The following MLIP variants were observed in gnomAD, a reference collection of about 807,000 sequenced individuals.
MLIP encodes muscular LMNA interacting protein.
A neutral mutation model predicts 84.8 loss-of-function variants in MLIP; 79 were observed. That is an observed-to-expected ratio of 0.93 (90% confidence interval 0.78 to 1.12). MLIP has a LOEUF of 1.12. Ranked by LOEUF, MLIP falls within the 50% of genes most tolerant of loss-of-function variation. MLIP has a pLI of 0.00. For synonymous variants in MLIP, 504 were observed against 463.0 expected, an observed-to-expected ratio of 1.09 and a Z score of -1.14; for missense variants, 1,257 against 1,160.6, an observed-to-expected ratio of 1.08 and a Z score of -1.21.
intron 1 of MLIP, among the ~76,000 whole-genome samples, chr6:54,093,107 C>T (rs940134898): frequency 3.3e-5 from 5 of 151,942 alleles, no homozygotes; most frequent in African/African-American, 1.2e-4. Flanking sequence ...GAACTCTGAA[C>T]CTTAGGTGAT....
chr6:54,051,116 C>G (rs1765351840), intron 1 of MLIP, among the ~76,000 whole-genome samples: 1 of 151,934 alleles, frequency 6.6e-6, no homozygotes, highest in Non-Finnish European at 1.5e-5. Flanking sequence ...TCCACTTTCC[C>G]TTCTCCCCAC....
intron 11 of MLIP, among the ~76,000 whole-genome samples, chr6:54,218,885 A>C (rs1323986702): frequency 6.6e-6 from 1 of 151,886 alleles, no homozygotes; most frequent in Non-Finnish European, 1.5e-5. Flanking sequence ...AAGTTTTTAA[A>C]CTTTTTGACT....
chr6:54,084,310 A>G (rs1358201194), intron 1 of MLIP, among the ~76,000 whole-genome samples: 1 of 152,082 alleles, frequency 6.6e-6, no homozygotes, highest in Non-Finnish European at 1.5e-5. Flanking sequence ...TGAATTATCC[A>G]CAGTAGTAAT....
At chr6:54,180,922 A>G (rs572125953) in intron 9 of MLIP, among the ~76,000 whole-genome samples, 2 of 152,092 alleles carry the variant, frequency 1.3e-5, no homozygotes, top group Non-Finnish European at 2.9e-5. Context: ...GTGTCTCAAC[A>G]TTGAAGAGTT....
intron 1 of MLIP, among the ~76,000 whole-genome samples, chr6:54,112,790 C>G (rs944793939): frequency 2.6e-5 from 4 of 152,054 alleles, no homozygotes; most frequent in African/African-American, 9.7e-5. Flanking sequence ...CCTTTATTGT[C>G]AGGATGTGGT....
intron 1 of MLIP, among the ~76,000 whole-genome samples, chr6:54,078,906 G>C (rs1244475323): frequency 1.3e-5 from 2 of 151,976 alleles, no homozygotes; most frequent in Non-Finnish European, 2.9e-5. Context: ...GGCCAGGCTG[G>C]TCTCAAACTC....
intron 2 of MLIP, among the ~76,000 whole-genome samples, chr6:54,124,243 T>C (rs1440866684): frequency 2.6e-5 from 4 of 152,254 alleles, no homozygotes; most frequent in East Asian, 3.9e-4. Flanking sequence ...GGTTTGCCTG[T>C]TGATGTTGAT....
chr6:54,107,647 T>C (rs1449364540), upstream of MLIP, among the ~76,000 whole-genome samples: 4 of 152,192 alleles, frequency 2.6e-5, no homozygotes, highest in Non-Finnish European at 5.9e-5. Flanking sequence ...GCCCATGCAG[T>C]CTGTGTTCAG....
chr6:54,154,327 G>A (rs1412774179), intron 5 of MLIP, among the ~76,000 whole-genome samples: 1 of 152,088 alleles, frequency 6.6e-6, no homozygotes, highest in African/African-American at 2.4e-5. Flanking sequence ...CTTTCTTTAG[G>A]ACAGAATAAG....
intron 1 of MLIP, among the ~76,000 whole-genome samples, chr6:54,035,630 G>A (rs1454765217): frequency 6.6e-6 from 1 of 151,806 alleles, no homozygotes; most frequent in Non-Finnish European, 1.5e-5. Flanking sequence ...ACCAGCATTT[G>A]GTATTATTAT....
At chr6:54,097,347 A>G (rs1768288801) in intron 1 of MLIP, among the ~76,000 whole-genome samples, 1 of 152,184 alleles carries the variant, frequency 6.6e-6, no homozygotes, top group Non-Finnish European at 1.5e-5. Flanking sequence ...AAAGAAGGGC[A>G]TGTCACATCA....
chr6:54,042,884 C>T (rs986440152), intron 1 of MLIP, among the ~76,000 whole-genome samples: 3 of 152,088 alleles, frequency 2.0e-5, no homozygotes, highest in Admixed American at 6.6e-5. Context: ...TTATCATCAT[C>T]GTCACTTAGT....
chr6:54,133,244 T>C (rs1771531830), intron 3 of MLIP, among the ~76,000 whole-genome samples: 1 of 152,148 alleles, frequency 6.6e-6, no homozygotes, highest in African/African-American at 2.4e-5. Flanking sequence ...AATCTGGTGA[T>C]AGGTTAAATA....
At chr6:54,134,017 C>A (rs1332573963) in intron 3 of MLIP, among the ~76,000 whole-genome samples, 21 of 151,924 alleles carry the variant, frequency 1.4e-4, no homozygotes, top group Admixed American at 1.4e-3. Context: ...CCTAGAACAG[C>A]CTTGAGGGAG....
intron 4 of MLIP, among the ~76,000 whole-genome samples, chr6:54,143,741 T>A (rs1169623096): frequency 3.3e-5 from 5 of 152,202 alleles, no homozygotes; most frequent in Admixed American, 6.5e-5. Flanking sequence ...ACTAAAAATT[T>A]GTGTTTTTTC....
At chr6:54,044,071 C>T (rs1449538904) in intron 1 of MLIP, among the ~76,000 whole-genome samples, 1 of 152,142 alleles carries the variant, frequency 6.6e-6, no homozygotes, top group African/African-American at 2.4e-5. Flanking sequence ...TAGAATACAA[C>T]CCAAATTTCT....
At chr6:54,053,508 A>G (rs984407199) in intron 1 of MLIP, among the ~76,000 whole-genome samples, 5 of 152,080 alleles carry the variant, frequency 3.3e-5, no homozygotes, top group African/African-American at 9.7e-5. Context: ...GCAAAATCTC[A>G]TTATAAAGTT....
chr6:54,217,972 T>C (rs537406798), intron 11 of MLIP: 2 of 985,448 alleles, frequency 2.0e-6, no homozygotes, highest in South Asian at 9.4e-5. Context: ...TTAGACGTGA[T>C]AGAGATGCCA....
At chr6:54,265,355 A>G (rs992144628) in intron 13 of MLIP, among the ~76,000 whole-genome samples, 4 of 152,132 alleles carry the variant, frequency 2.6e-5, no homozygotes, top group Non-Finnish European at 5.9e-5. Flanking sequence ...ACCCTATCAT[A>G]TAGGAACAGA....
Sources: allele counts gnomAD v4.1 joint callset (sites outside exome capture counted in the v4.1 genomes callset), GRCh38; gene constraint gnomAD v4.1.1; transcripts MANE v1.5; gene names NCBI Gene and HGNC (gene_info 2026-07-23, HGNC 2026-07-21).